The following JMJD1C variants were observed in gnomAD, a reference collection of about 807,000 sequenced individuals.
JMJD1C encodes the protein jumonji domain containing 1C.
In JMJD1C, 31 loss-of-function variants were observed where a neutral mutation model predicts 245.3. That is an observed-to-expected ratio of 0.13 (90% CI 0.09 to 0.17). The LOEUF (loss-of-function observed/expected upper bound fraction) is 0.17. JMJD1C is among the 10% of genes least tolerant of loss of function. The pLI is 1.00. For missense variants in JMJD1C, 2,691 were observed against 3,000.2 expected, an observed-to-expected ratio of 0.90 and a Z score of 2.41; for synonymous variants, 1,057 against 1,017.4, an observed-to-expected ratio of 1.04 and a Z score of -0.74.
At chr10:63,414,681 A>G (rs1589702538) in intron 1 of JMJD1C, among the ~76,000 whole-genome samples, 1 of 152,214 alleles carries the variant, frequency 6.6e-6, no homozygotes, top group East Asian at 1.9e-4. Context: ...TGAGGTCAGG[A>G]ATTCAAGACC....
intron 2 of JMJD1C, among the ~76,000 whole-genome samples, chr10:63,306,243 C>A (rs1443912483): frequency 1.3e-5 from 2 of 152,068 alleles, no homozygotes; most frequent in Non-Finnish European, 2.9e-5. Flanking sequence ...GCGCCTGCTA[C>A]CACACCGGGC....
chr10:63,309,661 G>A (rs533987874), intron 2 of JMJD1C, among the ~76,000 whole-genome samples: 2 of 152,070 alleles, frequency 1.3e-5, no homozygotes, highest in Non-Finnish European at 2.9e-5. Context: ...GCTCATGCCT[G>A]TAATCCCAGC....
At chr10:63,252,142 G>A (rs1010190781) in intron 3 of JMJD1C, among the ~76,000 whole-genome samples, 3 of 152,250 alleles carry the variant, frequency 2.0e-5, no homozygotes, top group Non-Finnish European at 4.4e-5. Context: ...GAGAGAACTT[G>A]CCAAAGGCAT....
At chr10:63,480,716 A>T (rs1953806286) in intron 1 of JMJD1C, among the ~76,000 whole-genome samples, 2 of 152,078 alleles carry the variant, frequency 1.3e-5, no homozygotes, top group South Asian at 4.1e-4. Context: ...AGCACTGTGG[A>T]TGCAAACTTA....
At chr10:63,478,132 C>T (rs1953720243) in intron 1 of JMJD1C, among the ~76,000 whole-genome samples, 1 of 152,112 alleles carries the variant, frequency 6.6e-6, no homozygotes, top group Admixed American at 6.6e-5. Context: ...TAAACGTATA[C>T]TTTTCATATG....
At chr10:63,330,567 C>G (rs568012723) in intron 2 of JMJD1C, among the ~76,000 whole-genome samples, 22 of 152,188 alleles carry the variant, frequency 1.4e-4, no homozygotes, top group Admixed American at 1.4e-3. Context: ...TATATCTACA[C>G]TTTCTTCCTC....
intron 2 of JMJD1C, among the ~76,000 whole-genome samples, chr10:63,278,715 T>C (rs1857073439): frequency 1.3e-5 from 2 of 151,782 alleles, no homozygotes; most frequent in Non-Finnish European, 2.9e-5. Flanking sequence ...GACACATGCC[T>C]GTAATCCCAG....
chr10:63,194,387 T>A lies in JMJD1C; in HGVS notation c.5645-12A>T. 1 of 1,493,084 alleles carries A rather than the reference T, an allele frequency of 6.7e-7. No homozygotes were observed. Among genetic ancestry groups the A allele is most frequent in the Non-Finnish European group, 9.3e-7 (1 of 1,069,754 alleles). The allele number at this position is 1,493,084 out of a possible 1,614,324, so 92.5% of individuals were successfully genotyped here. ...ATATAGTTCTTTATCTGTAAGATAA[T>A]AAAACTTGTATATCACACTCATGGT... On this transcript the variant is annotated splice_polypyrimidine_tract_variant and intron_variant, in intron 13 of 25. Transcript: ENST00000399262.
At chr10:63,288,463 T>TTAGG (rs1245385867) in intron 2 of JMJD1C, among the ~76,000 whole-genome samples, 2 of 152,166 alleles carry the variant, frequency 1.3e-5, no homozygotes, top group African/African-American at 4.8e-5. Context: ...AAAATCCATG[T>TTAGG]TTAGGTTTTG....
intron 11 of JMJD1C, among the ~76,000 whole-genome samples, chr10:63,199,047 G>A (rs1336979300): frequency 6.6e-6 from 1 of 152,070 alleles, no homozygotes; most frequent in Non-Finnish European, 1.5e-5. Flanking sequence ...GCCCAATGTT[G>A]CCCAGAGCAA....
chr10:63,314,557 A>C (rs1379534067), intron 2 of JMJD1C, among the ~76,000 whole-genome samples: 1 of 151,808 alleles, frequency 6.6e-6, no homozygotes, highest in Non-Finnish European at 1.5e-5. Context: ...AAACACACAC[A>C]CACAAACTAT....
chr10:63,517,449 T>G (rs1955054700), intron 1 of JMJD1C, among the ~76,000 whole-genome samples: 1 of 152,160 alleles, frequency 6.6e-6, no homozygotes, highest in Non-Finnish European at 1.5e-5. Flanking sequence ...TACAGTGTGA[T>G]TTACCAAACA....
Position 63,213,729 on chromosome 10 carries a change from G to T in JMJD1C, c.2438C>A (p.Pro813Gln), listed in dbSNP as rs1368160461. The T allele has an allele frequency of 6.2e-7, 1 of 1,614,162 alleles. No individual in the cohort carries two copies. Among genetic ancestry groups the T allele is most frequent in the Admixed American group, 1.7e-5 (1 of 60,026 alleles). ...GCTGGCATGAGCACTCTCTAGTCGT[G>T]GGTGGCCACCAAGTAAGGAGGCAGT... ...VPTASLLGGH[P>Q]RLESAHASSL... The change falls in exon 8 of 26, where the codon CCA becomes CAA. Residue 813 changes from proline (P) to glutamine (Q), a missense_variant. Around this residue, in one of 9 missense-constraint regions of JMJD1C, gnomAD observed 1,562 missense variants for 1,490.7 expected, o/e 1.05. Transcript: ENST00000399262.
rs1400353372 is a variant in JMJD1C at position 63,208,494 on chromosome 10, G to T, written c.3175C>A (p.Pro1059Thr). 1 of 1,613,972 alleles carries T rather than the reference G, an allele frequency of 6.2e-7. No homozygotes were observed. Among genetic ancestry groups the T allele is most frequent in the East Asian group, 2.2e-5 (1 of 44,880 alleles). Residue 1059 changes from proline (P) to threonine (T), a missense_variant, in exon 10 of 26, where the codon CCT becomes ACT. This residue lies in a region of JMJD1C where 1,562 missense variants were observed against 1,490.7 expected (regional missense o/e 1.05). Transcript: ENST00000399262. Reference protein sequence around the residue: ...YSRVASSSSSPKSHIIKQDMD... With the variant: ...YSRVASSSSSTKSHIIKQDMD... ...TCTTGTTTGATGATATGGCTTTTAGGACTGGAAGATGATGATGCCACTCTG... is the reference window on the plus strand; with the variant it reads ...TCTTGTTTGATGATATGGCTTTTAGTACTGGAAGATGATGATGCCACTCTG...
At chr10:63,215,732 T>C (rs756310652) in intron 5 of JMJD1C, 36 bp from the exon 6 acceptor site, 17 of 1,368,972 alleles carry the variant, frequency 1.2e-5, no homozygotes, top group East Asian at 7.3e-5. Flanking sequence ...AAAAATTAAA[T>C]AGAATGAGCT....
chr10:63,248,552 A>G (rs1263771496), intron 3 of JMJD1C, among the ~76,000 whole-genome samples: 1 of 151,692 alleles, frequency 6.6e-6, no homozygotes, highest in Non-Finnish European at 1.5e-5. Context: ...ATAAATAAAT[A>G]AATAAATAAA....
At chr10:63,470,505 A>G (rs1953456489), upstream of JMJD1C, among the ~76,000 whole-genome samples, 2 of 152,192 alleles carry the variant, frequency 1.3e-5, no homozygotes, top group African/African-American at 4.8e-5. Context: ...AAAATTTCTA[A>G]AGAACAGATA....
rs1251383989 is a variant in JMJD1C, at chr10:63,214,502, T to G, written c.1665A>C (p.Glu555Asp). The G allele has an allele frequency of 1.1e-5, 17 of 1,614,026 alleles. No homozygotes were observed. Among genetic ancestry groups the G allele is most frequent in the Non-Finnish European group, 1.4e-5 (17 of 1,180,008 alleles). Reference sequence around the variant, plus strand: ...TCTGGTCAGAATCTTTTTTTGCTGTTTCCAAGAATTTTGCATTTGCAATAG... The same window carrying G: ...TCTGGTCAGAATCTTTTTTTGCTGTGTCCAAGAATTTTGCATTTGCAATAG... ...KHSIANAKFL[E>D]TAKKDSDQSW... Residue 555 changes from glutamate to aspartate, a missense_variant, in exon 8 of 26, where the codon GAA becomes GAC. Physicochemically the swap from Glu to Asp is conservative, Grantham distance 45. Around this residue, in one of 9 missense-constraint regions of JMJD1C, gnomAD observed 1,562 missense variants for 1,490.7 expected, o/e 1.05. Transcript: ENST00000399262.
chr10:63,440,523 A>G (rs1273611165), intron 1 of JMJD1C, among the ~76,000 whole-genome samples: 1 of 152,062 alleles, frequency 6.6e-6, no homozygotes, highest in Non-Finnish European at 1.5e-5. Flanking sequence ...TTCTAATTAC[A>G]TTGTTTTTCA....
Sources: allele counts gnomAD v4.1 joint callset (sites outside exome capture counted in the v4.1 genomes callset), GRCh38; gene constraint gnomAD v4.1.1; regional missense constraint gnomAD v4.1.1; transcripts MANE v1.5; gene names NCBI Gene and HGNC (gene_info 2026-07-23, HGNC 2026-07-21).